The following PRR16 variants were observed in gnomAD, a reference collection of about 807,000 sequenced individuals.
PRR16 encodes the protein protein Largen.
In PRR16, 6 loss-of-function variants were observed where a neutral mutation model predicts 18.2. That is an observed-to-expected ratio of 0.33 (90% CI 0.18 to 0.65). The LOEUF is 0.65. PRR16 is among the 30% of genes least tolerant of loss of function. The pLI is 0.74. For synonymous variants in PRR16, 151 were observed against 147.8 expected (o/e 1.02, Z -0.16); for missense variants, 412 against 376.6 (o/e 1.09, Z -0.78).
chr5:120,759,966 C>T, the PRR16 span, among the ~76,000 whole-genome samples: 3 of 152,046 alleles, frequency 2.0e-5, no homozygotes, highest in Admixed American at 6.6e-5. Flanking sequence ...AATAATATTG[C>T]TCTCTGAAGG....
chr5:120,527,454 C>T (rs1751409630), intron 1 of PRR16, among the ~76,000 whole-genome samples: 1 of 152,088 alleles, frequency 6.6e-6, no homozygotes, highest in South Asian at 2.1e-4. Flanking sequence ...GTTTGCTGAC[C>T]CTGGTCTTAA....
intron 1 of PRR16, among the ~76,000 whole-genome samples, chr5:120,525,169 T>C (rs1239860212): frequency 2.6e-5 from 4 of 152,102 alleles, no homozygotes; most frequent in Admixed American, 2.0e-4. Context: ...TAATATGCTT[T>C]GTAAACTTCA....
the PRR16 span, among the ~76,000 whole-genome samples, chr5:120,782,269 G>T: frequency 1.3e-5 from 2 of 152,152 alleles, no homozygotes; most frequent in African/African-American, 4.8e-5. Context: ...CATTTGCACA[G>T]GCCCCTGTGC....
chr5:120,571,585 T>G (rs1223428324), intron 1 of PRR16, among the ~76,000 whole-genome samples: 2 of 152,058 alleles, frequency 1.3e-5, no homozygotes, highest in Non-Finnish European at 2.9e-5. Flanking sequence ...CTGGATGATT[T>G]GTAAAGAGAA....
intron 1 of PRR16, among the ~76,000 whole-genome samples, chr5:120,525,349 C>T (rs535032646): frequency 5.0e-4 from 76 of 152,172 alleles, no homozygotes; most frequent in African/African-American, 1.6e-3. Flanking sequence ...TATCCAGGCT[C>T]GAACTTAATA....
At chr5:120,702,512 A>G in the PRR16 span, among the ~76,000 whole-genome samples, 2 of 152,104 alleles carry the variant, frequency 1.3e-5, no homozygotes, top group Non-Finnish European at 2.9e-5. Flanking sequence ...GAAAAGCGGG[A>G]CTTGCTGTTA....
chr5:120,702,535 C>G, the PRR16 span, among the ~76,000 whole-genome samples: 1 of 152,012 alleles, frequency 6.6e-6, no homozygotes, highest in Admixed American at 6.5e-5. Flanking sequence ...GGTGAAGGAC[C>G]AAGGCAGGCG....
intron 1 of PRR16, among the ~76,000 whole-genome samples, chr5:120,684,616 A>G (rs189681169): frequency 6.6e-6 from 1 of 152,310 alleles, no homozygotes; most frequent in African/African-American, 2.4e-5. Flanking sequence ...TGGCTATGAG[A>G]ATGGCCTCCA....
intron 1 of PRR16, among the ~76,000 whole-genome samples, chr5:120,480,773 T>C (rs1749584942): frequency 6.6e-6 from 1 of 152,232 alleles, no homozygotes; most frequent in Non-Finnish European, 1.5e-5. Context: ...AACAAGATAC[T>C]ATTGTTAAAA....
At chr5:120,744,005 T>C in the PRR16 span, among the ~76,000 whole-genome samples, 1 of 152,180 alleles carries the variant, frequency 6.6e-6, no homozygotes, top group Non-Finnish European at 1.5e-5. Context: ...TTTCATCTCT[T>C]TCTGTTGTTT....
the PRR16 span, among the ~76,000 whole-genome samples, chr5:120,736,462 A>G: frequency 1.4e-5 from 2 of 143,806 alleles, no homozygotes; most frequent in Non-Finnish European, 3.0e-5. Context: ...AAAGAGTTTC[A>G]CCATGTTGGC....
chr5:120,775,715 C>G, the PRR16 span, among the ~76,000 whole-genome samples: 1 of 150,596 alleles, frequency 6.6e-6, no homozygotes, highest in African/African-American at 2.4e-5. Context: ...ATGGCAACCT[C>G]CACCTCTCAG....
At chr5:120,551,933 G>A (rs370318836) in intron 1 of PRR16, among the ~76,000 whole-genome samples, 1 of 151,898 alleles carries the variant, frequency 6.6e-6, no homozygotes, top group African/African-American at 2.4e-5. Context: ...ATTCAGCTCA[G>A]GATATACAGA....
chr5:120,507,728 G>A (rs1235900029), intron 1 of PRR16, among the ~76,000 whole-genome samples: 1 of 151,912 alleles, frequency 6.6e-6, no homozygotes, highest in Non-Finnish European at 1.5e-5. Flanking sequence ...GAAAAGGCAC[G>A]CTAGTTAACC....
At chr5:120,711,884 T>A in the PRR16 span, among the ~76,000 whole-genome samples, 1 of 152,202 alleles carries the variant, frequency 6.6e-6, no homozygotes, top group Non-Finnish European at 1.5e-5. Context: ...AATGTGTCTC[T>A]ATGGAGCCCC....
At chr5:120,652,850 A>T (rs778386652) in intron 1 of PRR16, among the ~76,000 whole-genome samples, 1 of 151,970 alleles carries the variant, frequency 6.6e-6, no homozygotes, top group African/African-American at 2.4e-5. Context: ...ATTGTAAAAA[A>T]GTACCATACT....
At chr5:120,496,497 T>A (rs546247074) in intron 1 of PRR16, among the ~76,000 whole-genome samples, 1 of 152,180 alleles carries the variant, frequency 6.6e-6, no homozygotes, top group African/African-American at 2.4e-5. Context: ...GTTTGTAGAG[T>A]TGTTTTTAGT....
At chr5:120,570,363 T>C (rs1752867732) in intron 1 of PRR16, among the ~76,000 whole-genome samples, 1 of 151,958 alleles carries the variant, frequency 6.6e-6, no homozygotes, top group African/African-American at 2.4e-5. Context: ...AGGGTACTCT[T>C]GATGGAGGAA....
rs1751228167 is a variant in PRR16, at chr5:120,522,780, TA to T, written c.159+58136del. 3.5e-5 allele frequency among the ~76,000 whole-genome samples: 5 copies of T among 141,552 alleles called. No homozygotes were observed. The South Asian group carries it at 8.7e-4, about 25-fold the overall frequency. 92.9% of individuals were successfully genotyped at this position (141,552 alleles called of 152,430 possible). On this transcript the variant is annotated intron_variant, in intron 1 of 1. Coordinates refer to ENST00000407149, the MANE Select transcript of PRR16 (RefSeq NM_001300783.2). ...GCCACCATGCGTGGCTATTTTATTT[TA>T]TTTTTTTTGTATTTTTAGTAGAGGC...
Sources: gnomAD v4.1 joint callset for allele counts (sites outside exome capture counted in the v4.1 genomes callset) on GRCh38, gnomAD v4.1.1 for gene constraint, MANE v1.5 for transcripts, NCBI Gene and HGNC (gene_info 2026-07-23, HGNC 2026-07-21) for gene names.